STIM1: variants seen among roughly 807,000 people sequenced by gnomAD.
STIM1 encodes stromal interaction molecule 1.
STIM1 carries 25 observed loss-of-function variants against 74.7 expected under a neutral mutation model. That is an observed-to-expected ratio of 0.33 (90% CI 0.24 to 0.47). STIM1 has a LOEUF of 0.47. STIM1 is among the 20% of genes least tolerant of loss of function. The probability of loss-of-function intolerance (pLI) is 1.00; values close to 1 mark genes in which losing one functional copy is unlikely to be tolerated. For missense variants in STIM1, 728 were observed against 920.8 expected (o/e 0.79, Z 2.71); for synonymous variants, 328 against 348.8 (o/e 0.94, Z 0.66).
chr11:3,892,555 C>G, intron 1 of STIM1: 1 of 1,601,084 alleles, frequency 6.2e-7, no homozygotes, highest in South Asian at 1.1e-5. Context: ...AGATGAAAAA[C>G]TGGGAACTGT....
rs762432922 is a variant in STIM1 at position 4,082,253 on chromosome 11, C to T, written c.1039C>T (p.Leu347Phe). The T allele has an allele frequency of 6.2e-7, 1 of 1,613,938 alleles. No individual in the cohort carries two copies. Residue 347 changes from leucine to phenylalanine, a missense_variant, in exon 8 of 13, where the codon CTT becomes TTT. Around this residue, in one of 5 missense-constraint regions of STIM1, gnomAD observed 131 missense variants for 235.9 expected, o/e 0.56. Coordinates refer to ENST00000526596, the MANE Select transcript of STIM1 (RefSeq NM_001382567.1). ...SHSSWYAPEA[L>F]QKWLQLTHEV... is the part of the protein sequence containing the mutation. ...CAGCTCATGGTATGCTCCAGAGGCC[C>T]TTCAGAAGTGGCTGCAGCTGACACA...
intron 8 of STIM1, among the ~76,000 whole-genome samples, chr11:4,082,577 T>A (rs563725380): frequency 6.6e-6 from 1 of 152,262 alleles, no homozygotes; most frequent in African/African-American, 2.4e-5. Flanking sequence ...CTGGGAAAGA[T>A]GAAACAAGTG....
intron 4 of STIM1, among the ~76,000 whole-genome samples, chr11:4,058,436 C>T (rs1434548757): frequency 1.3e-5 from 2 of 152,160 alleles, no homozygotes; most frequent in African/African-American, 4.8e-5. Flanking sequence ...AGCTTCTTTT[C>T]TAGCTGGAGA....
chr11:4,036,648 ATCT>A (rs2094105424), intron 3 of STIM1, among the ~76,000 whole-genome samples: 1 of 152,200 alleles, frequency 6.6e-6, no homozygotes, highest in Non-Finnish European at 1.5e-5. Context: ...TCGCATGAAT[ATCT>A]TCTTTTGAGA....
intron 1 of STIM1, among the ~76,000 whole-genome samples, chr11:3,896,407 G>A (rs562163325): frequency 6.6e-6 from 1 of 152,298 alleles, no homozygotes; most frequent in African/African-American, 2.4e-5. Flanking sequence ...ATAGAGCTAA[G>A]TGGCTGAGCC....
chr11:4,071,915 G>A (rs2094406028), intron 6 of STIM1, among the ~76,000 whole-genome samples: 1 of 152,154 alleles, frequency 6.6e-6, no homozygotes, highest in South Asian at 2.1e-4. Flanking sequence ...ATTTCCATGG[G>A]CTGGGCTTCT....
At chr11:3,951,710 G>A (rs1251013170) in intron 1 of STIM1, among the ~76,000 whole-genome samples, 2 of 152,142 alleles carry the variant, frequency 1.3e-5, no homozygotes, top group African/African-American at 4.8e-5. Context: ...CCCCCTAGGT[G>A]TTGTCCTTTA....
In STIM1 at chr11:3,858,562, C is replaced by T. The variant is rs150928424; in HGVS notation, c.139+2153C>T. On this transcript the variant is annotated intron_variant, in intron 1 of 12. Transcript: ENST00000526596. ...GGTCTACCTGGGGTTTTGTCTTTGA[C>T]TCAGTCAGGGACTTGTTTTTGCAAA... 4.8e-3 allele frequency among the ~76,000 whole-genome samples: 729 copies of T among 152,244 alleles called. 4 individuals carry two copies. The highest frequency in any genetic ancestry group is 0.017 in the African/African-American group (695 of 41,532).
At chr11:4,030,106 A>T (rs2094036022) in intron 3 of STIM1, among the ~76,000 whole-genome samples, 1 of 152,112 alleles carries the variant, frequency 6.6e-6, no homozygotes, top group African/African-American at 2.4e-5. Context: ...AGGCGGGTGG[A>T]TCACTTAAGG....
chr11:3,904,703 G>A (rs1265657364), intron 1 of STIM1, among the ~76,000 whole-genome samples: 4 of 152,102 alleles, frequency 2.6e-5, no homozygotes, highest in African/African-American at 4.8e-5. Context: ...ATTGTGTGAC[G>A]GAAGGATGAA....
At chr11:3,888,752 A>G (rs761557322) in intron 1 of STIM1, among the ~76,000 whole-genome samples, 1 of 151,974 alleles carries the variant, frequency 6.6e-6, no homozygotes, top group Non-Finnish European at 1.5e-5. Flanking sequence ...GGGTTTCACC[A>G]TGTTGGCCAG....
Position 4,074,541 on chromosome 11 carries a change from G to T in STIM1, c.831G>T (p.Val277=), listed in dbSNP as rs752075574. 3 of 1,613,996 alleles carry T rather than the reference G, an allele frequency of 1.9e-6. No individual in the cohort carries two copies. The African/African-American group carries it at 4.0e-5, about 22-fold the overall frequency. The change falls in exon 7 of 13, where the codon GTG becomes GTT. Residue 277 remains valine, a synonymous_variant. Coordinates refer to ENST00000526596, the MANE Select transcript of STIM1 (RefSeq NM_001382567.1). Reference sequence around the variant, plus strand: ...AGGAGGAGCACCGCACAGTGGAGGTGGAGAAGGTCCATCTGGAAAAGAAGC... The same window carrying T: ...AGGAGGAGCACCGCACAGTGGAGGTTGAGAAGGTCCATCTGGAAAAGAAGC... ...KAQEEHRTVE[V]EKVHLEKKLR...
intron 6 of STIM1, 71 bp from the exon 7 acceptor site, chr11:4,074,431 C>G: frequency 6.4e-7 from 1 of 1,569,948 alleles, no homozygotes. Context: ...CTCTTTGATG[C>G]CATGACTCAT....
At chr11:4,068,991 C>T (rs1195247475) in intron 5 of STIM1, among the ~76,000 whole-genome samples, 2 of 152,212 alleles carry the variant, frequency 1.3e-5, no homozygotes, top group Non-Finnish European at 2.9e-5. Context: ...TTGCTGTGCA[C>T]AGAGGGTCAT....
intron 2 of STIM1, among the ~76,000 whole-genome samples, chr11:4,014,621 T>C (rs1439846531): frequency 2.6e-5 from 4 of 152,154 alleles, no homozygotes; most frequent in Non-Finnish European, 2.9e-5. Flanking sequence ...TTTTCTGTCT[T>C]GTTTATCTGT....
chr11:3,884,525 G>A (rs954424581), intron 1 of STIM1, among the ~76,000 whole-genome samples: 1 of 152,158 alleles, frequency 6.6e-6, no homozygotes, highest in Non-Finnish European at 1.5e-5. Flanking sequence ...TGAAACCCAT[G>A]CCCCAAGTGG....
At chr11:3,942,014 C>G (rs1251692433) in intron 1 of STIM1, among the ~76,000 whole-genome samples, 1 of 151,888 alleles carries the variant, frequency 6.6e-6, no homozygotes, top group Non-Finnish European at 1.5e-5. Flanking sequence ...ATAAAATGAT[C>G]AAAAATAGGC....
chr11:3,859,852 G>T (rs918845384), intron 1 of STIM1, among the ~76,000 whole-genome samples: 3 of 152,216 alleles, frequency 2.0e-5, no homozygotes, highest in Admixed American at 2.0e-4. Flanking sequence ...CTAAGCCTGG[G>T]GTAGCCAGGA....
At chr11:4,020,740 G>T (rs1021978393) in intron 2 of STIM1, among the ~76,000 whole-genome samples, 5 of 151,864 alleles carry the variant, frequency 3.3e-5, no homozygotes, top group African/African-American at 9.7e-5. Flanking sequence ...GGGACCACAG[G>T]CATAAACCAC....
Sources: gnomAD v4.1 joint callset for allele counts (sites outside exome capture counted in the v4.1 genomes callset) on GRCh38, gnomAD v4.1.1 for gene constraint, gnomAD v4.1.1 regional missense constraint, MANE v1.5 for transcripts, NCBI Gene and HGNC (gene_info 2026-07-23, HGNC 2026-07-21) for gene names.